CPQ: variants seen among roughly 807,000 people sequenced by gnomAD.
CPQ encodes Ser-Met dipeptidase.
In CPQ, 37 loss-of-function variants were observed where a neutral mutation model predicts 45.7. That is an observed-to-expected ratio of 0.81 (90% CI 0.62 to 1.07). The LOEUF (loss-of-function observed/expected upper bound fraction) is 1.07, where lower values mean the gene tolerates loss of function less well. Ranked by LOEUF, CPQ falls within the 50% of genes least tolerant of loss-of-function variation. The pLI, the probability that CPQ is intolerant of heterozygous loss-of-function variation, is 0.00. For missense variants in CPQ, 537 were observed against 572.9 expected (o/e 0.94, Z 0.64); for synonymous variants, 186 against 205.8 (o/e 0.90, Z 0.82).
In CPQ at chr8:96,851,279, T is replaced by C. The variant is rs189996371; in HGVS notation, c.641+16099T>C. 5.3e-5 allele frequency among the ~76,000 whole-genome samples: 8 copies of C among 152,368 alleles called. No homozygotes were observed. In the East Asian group the frequency reaches 1.5e-3, roughly 29 times the overall value. ...GTAGGTAAGTCTCTTTGTAAGGTCA[T>C]ATTCGTAAAGGTTGCAAAAGAGACC... On this transcript the variant is annotated intron_variant, in intron 3 of 7. Transcript: ENST00000220763.
chr8:96,753,837 C>A (rs1810293573), intron 1 of CPQ, among the ~76,000 whole-genome samples: 1 of 151,754 alleles, frequency 6.6e-6, no homozygotes, highest in African/African-American at 2.4e-5. Context: ...ATGAGAGCAG[C>A]TTTAATAATT....
chr8:96,750,219 T>C (rs1270592768), intron 1 of CPQ, among the ~76,000 whole-genome samples: 1 of 151,932 alleles, frequency 6.6e-6, no homozygotes, highest in Non-Finnish European at 1.5e-5. Context: ...ACCTTGATGT[T>C]ACAAATTTTC....
At chr8:96,944,304 C>T (rs1813161713) in intron 4 of CPQ, among the ~76,000 whole-genome samples, 1 of 152,078 alleles carries the variant, frequency 6.6e-6, no homozygotes, top group South Asian at 2.1e-4. Context: ...GAGCTGCAGC[C>T]TCCCTCCAAA....
intron 4 of CPQ, among the ~76,000 whole-genome samples, chr8:96,928,209 C>T (rs1812918846): frequency 6.6e-6 from 1 of 152,066 alleles, no homozygotes; most frequent in African/African-American, 2.4e-5. Context: ...AGTTCCAAAC[C>T]CTGGGGCATT....
intron 4 of CPQ, among the ~76,000 whole-genome samples, chr8:96,924,424 T>C (rs1386348757): frequency 1.3e-5 from 2 of 152,214 alleles, no homozygotes; most frequent in Non-Finnish European, 2.9e-5. Context: ...AGAAAAATAT[T>C]GTAACCCAAA....
intron 7 of CPQ, among the ~76,000 whole-genome samples, chr8:97,123,081 TAAATAAAATA>T (rs1193815735): frequency 1.3e-4 from 3 of 22,672 alleles, no homozygotes; most frequent in African/African-American, 4.9e-4. Flanking sequence ...TAAAATAAAA[TAAATAAAATA>T]AAATAAAATA....
chr8:96,916,155 G>A (rs377148785), intron 4 of CPQ, among the ~76,000 whole-genome samples: 21 of 152,056 alleles, frequency 1.4e-4, no homozygotes, highest in African/African-American at 3.1e-4. Flanking sequence ...GCGAGTTGAC[G>A]CATATCTTGC....
intron 7 of CPQ, among the ~76,000 whole-genome samples, chr8:97,099,121 T>C (rs996276831): frequency 1.6e-4 from 19 of 120,182 alleles, no homozygotes; most frequent in South Asian, 1.5e-3. Flanking sequence ...CTCTCTTTTT[T>C]TTTTTTTTTT....
intron 1 of CPQ, among the ~76,000 whole-genome samples, chr8:96,707,602 T>G (rs1011757594): frequency 2.0e-5 from 3 of 152,090 alleles, no homozygotes; most frequent in African/African-American, 7.2e-5. Flanking sequence ...GTATTAACTT[T>G]CTACTGGTAT....
intron 5 of CPQ, among the ~76,000 whole-genome samples, chr8:97,018,000 G>A (rs1382655501): frequency 2.0e-5 from 3 of 152,030 alleles, no homozygotes; most frequent in East Asian, 1.9e-4. Context: ...CCTCCTTGCC[G>A]CCTCCACCAG....
At chr8:96,944,916 T>TA (rs767013556) in intron 4 of CPQ, among the ~76,000 whole-genome samples, 39 of 151,882 alleles carry the variant, frequency 2.6e-4, no homozygotes, top group Non-Finnish European at 1.2e-4. Flanking sequence ...TAGAGGGTAT[T>TA]AAAAAAAACT....
intron 7 of CPQ, among the ~76,000 whole-genome samples, chr8:97,082,776 TTC>T (rs1413613298): frequency 6.6e-6 from 1 of 152,142 alleles, no homozygotes; most frequent in Non-Finnish European, 1.5e-5. Flanking sequence ...ACCTGAAGTG[TTC>T]TGTCCTCCCA....
intron 5 of CPQ, among the ~76,000 whole-genome samples, chr8:97,001,982 GGT>G (rs1809291623): frequency 6.6e-6 from 1 of 151,548 alleles, no homozygotes; most frequent in Non-Finnish European, 1.5e-5. Context: ...GTTTATTCCT[GGT>G]TCAGTCTTGG....
At chr8:96,851,180 A>T (rs1811766364) in intron 3 of CPQ, among the ~76,000 whole-genome samples, 1 of 152,166 alleles carries the variant, frequency 6.6e-6, no homozygotes, top group Non-Finnish European at 1.5e-5. Context: ...GGACATTTTG[A>T]AAAAAAGGTT....
rs1172189500 is a variant in CPQ at position 96,767,635 on chromosome 8, C to CTTTTTTTTT, written c.-34-17211_-34-17203dup. Among the ~76,000 whole-genome samples, 12 of 39,314 alleles carry CTTTTTTTTT rather than the reference C, an allele frequency of 3.1e-4. 3 individuals carry two copies. Among genetic ancestry groups the CTTTTTTTTT allele is most frequent in the Admixed American group, 7.8e-4 (2 of 2,548 alleles). 25.8% of individuals were successfully genotyped at this position (39,314 alleles called of 152,430 possible). On this transcript the variant is annotated intron_variant, in intron 1 of 7. Coordinates refer to ENST00000220763, the MANE Select transcript of CPQ (RefSeq NM_016134.4). ...AATCCCTTTCAGCTGGTTACCTATGCTTTTTTTTTTTTTTTTTTTTTTTTT... is the reference window on the plus strand; with the variant it reads ...AATCCCTTTCAGCTGGTTACCTATGCTTTTTTTTTTTTTTTTTTTTTTTTTTTTTTTTTT...
At chr8:96,973,105 G>T (rs1281488333) in intron 5 of CPQ, among the ~76,000 whole-genome samples, 1 of 152,036 alleles carries the variant, frequency 6.6e-6, no homozygotes. Context: ...ACCAGAGAAA[G>T]GTGAAGTCCA....
chr8:96,824,011 G>A (rs1310419903), intron 2 of CPQ, among the ~76,000 whole-genome samples: 4 of 151,974 alleles, frequency 2.6e-5, no homozygotes, highest in Non-Finnish European at 5.9e-5. Context: ...AATCTACATG[G>A]CAGCTAGTAA....
At chr8:96,938,620 A>T (rs1813084702) in intron 4 of CPQ, among the ~76,000 whole-genome samples, 1 of 152,110 alleles carries the variant, frequency 6.6e-6, no homozygotes, top group South Asian at 2.1e-4. Context: ...TGATGGAGGG[A>T]TGCAGCCAGT....
At chr8:97,077,614 G>A (rs537373823) in intron 7 of CPQ, among the ~76,000 whole-genome samples, 1 of 152,198 alleles carries the variant, frequency 6.6e-6, no homozygotes, top group South Asian at 2.1e-4. Context: ...ATACTTTGTG[G>A]TAGTAAATGC....
Sources: gnomAD v4.1 joint callset for allele counts (sites outside exome capture counted in the v4.1 genomes callset) on GRCh38, gnomAD v4.1.1 for gene constraint, MANE v1.5 for transcripts, NCBI Gene and HGNC (gene_info 2026-07-23, HGNC 2026-07-21) for gene names.